Variants in MAPK9 observed in about 807,000 individuals in gnomAD.
MAPK9 encodes the protein mitogen-activated protein kinase 9, also known as Jun kinase.
In MAPK9, 30 loss-of-function variants were observed where a neutral mutation model predicts 57.1. That is an observed-to-expected ratio of 0.53 (90% CI 0.39 to 0.71). The LOEUF (loss-of-function observed/expected upper bound fraction) is 0.71. Ranked by LOEUF, MAPK9 falls within the 30% of genes least tolerant of loss-of-function variation. The probability of loss-of-function intolerance (pLI) is 0.00; values close to 1 mark genes in which losing one functional copy is unlikely to be tolerated. For missense variants in MAPK9, 362 were observed against 521.0 expected (o/e 0.69, Z 2.97); for synonymous variants, 155 against 177.0 (o/e 0.88, Z 0.99).
At chr5:180,240,055 A>G (rs929703460) in intron 9 of MAPK9, 68 bp from the exon 10 acceptor site, 6 of 1,229,102 alleles carry the variant, frequency 4.9e-6, no homozygotes, top group Middle Eastern at 2.2e-4. Flanking sequence ...TAAAAAAGGT[A>G]AAATTGCTTG....
chr5:180,249,280 T>C, intron 5 of MAPK9, 142 bp from the exon 6 acceptor site: 1 of 809,290 alleles, frequency 1.2e-6, no homozygotes, highest in East Asian at 3.0e-5. Context: ...TTGGAAAATC[T>C]TACTCTCAAA....
At chr5:180,242,803 A>C (rs778544269) in intron 7 of MAPK9, 48 bp from the exon 8 acceptor site, 3 of 1,428,312 alleles carry the variant, frequency 2.1e-6, no homozygotes, top group South Asian at 2.4e-5. Context: ...TTGTATTCAC[A>C]GTACATGCGG....
At chr5:180,250,141 C>T (rs1758526462) in intron 5 of MAPK9, among the ~76,000 whole-genome samples, 1 of 152,210 alleles carries the variant, frequency 6.6e-6, no homozygotes, top group Non-Finnish European at 1.5e-5. Flanking sequence ...CTCCCCAGTG[C>T]TGACTCTGTG....
intron 5 of MAPK9, among the ~76,000 whole-genome samples, chr5:180,256,668 A>G (rs1449231424): frequency 1.3e-5 from 2 of 152,040 alleles, no homozygotes; most frequent in Non-Finnish European, 2.9e-5. Flanking sequence ...AGGTTTCTAT[A>G]CCTCGTGCTG....
At chr5:180,238,516 T>A (rs1002073834) in intron 10 of MAPK9, 113 bp from the exon 11 acceptor site, 1 of 760,264 alleles carries the variant, frequency 1.3e-6, no homozygotes, top group African/African-American at 1.7e-5. Flanking sequence ...TTGTTATTTT[T>A]AATTGTAAGA....
chr5:180,286,931 A>G (rs1411629539), intron 1 of MAPK9: 1 of 152,286 alleles, frequency 6.6e-6, no homozygotes, highest in South Asian at 2.1e-4. Context: ...TAACTGCTGT[A>G]TACCCATACC....
Position 180,254,006 on chromosome 5 carries a change from G to A in MAPK9, c.451-4868C>T, listed in dbSNP as rs1581207949. 3.7e-5 allele frequency among the ~76,000 whole-genome samples: 4 copies of A among 107,090 alleles called. No individual in the cohort carries two copies. The South Asian group carries it at 1.2e-3, about 32-fold the overall frequency. 70.3% of individuals were successfully genotyped at this position (107,090 alleles called of 152,430 possible). A position where few individuals can be genotyped will look rare whatever the true frequency, so the allele number is the denominator to read the frequency against. ...TTTGAGACGAAGTCTCGATCTTGTT[G>A]CTCAGGCTGGAGTGCAATGGCACTA... On this transcript the variant is annotated intron_variant, in intron 5 of 11. Transcript: ENST00000452135.
At chr5:180,280,186 A>T in intron 2 of MAPK9, 1 of 529,512 alleles carries the variant, frequency 1.9e-6, no homozygotes, top group South Asian at 2.1e-5. Flanking sequence ...TGAAAAAAAA[A>T]ATGAAAGGAA....
chr5:180,239,113 C>A (rs966174782), intron 10 of MAPK9, among the ~76,000 whole-genome samples: 1 of 152,138 alleles, frequency 6.6e-6, no homozygotes. Flanking sequence ...GGGCTAGGAG[C>A]CCCCCACACT....
chr5:180,286,765 T>C (rs531108803), intron 1 of MAPK9, among the ~76,000 whole-genome samples: 17 of 152,348 alleles, frequency 1.1e-4, no homozygotes, highest in South Asian at 2.1e-4. Context: ...CCAGCCACCA[T>C]TTCTGTGACT....
intron 5 of MAPK9, among the ~76,000 whole-genome samples, chr5:180,252,042 C>T (rs757292934): frequency 1.5e-4 from 23 of 152,164 alleles, no homozygotes; most frequent in Non-Finnish European, 2.5e-4. Flanking sequence ...CACTGAAACC[C>T]GAAGACCCCA....
In MAPK9 at chr5:180,286,434, G is replaced by A. The variant is rs1369685199; in HGVS notation, c.-48+5414C>T. Among the ~76,000 whole-genome samples the A allele has an allele frequency of 6.6e-5, 10 of 151,644 alleles. 1 individual carries two copies. The highest frequency in any genetic ancestry group is 5.9e-4 in the Admixed American group (9 of 15,168). On this transcript the variant is annotated intron_variant, in intron 1 of 11. Transcript: ENST00000452135. ...GCTGGGATTACAGGCGTGAGCCACC[G>A]CGCCTGGCCTCCTACTGTAATTCTT...
At chr5:180,267,925 C>G (rs1464040194) in intron 3 of MAPK9, among the ~76,000 whole-genome samples, 1 of 152,086 alleles carries the variant, frequency 6.6e-6, no homozygotes, top group Admixed American at 6.5e-5. Context: ...TGCAGTGGTG[C>G]TATCTCAGCT....
chr5:180,283,741 G>C (rs995400342), intron 1 of MAPK9, among the ~76,000 whole-genome samples: 6 of 152,158 alleles, frequency 3.9e-5, no homozygotes, highest in Admixed American at 1.3e-4. Context: ...TTTGAGAACA[G>C]CCTGGCCAAC....
In MAPK9 at chr5:180,234,658, A is replaced by G. The variant is rs757703497; in HGVS notation, c.*1726T>C. Reference sequence around the variant, plus strand: ...GTATTACAGAGAAGGCCATTTTAAGATGTTTAGATAGATAGCCATAAAATA... The same window carrying G: ...GTATTACAGAGAAGGCCATTTTAAGGTGTTTAGATAGATAGCCATAAAATA... On this transcript the variant is annotated 3_prime_UTR_variant, in exon 12 of 12. Transcript: ENST00000452135. The G allele has an allele frequency of 2.6e-5, 4 of 152,192 alleles. No individual in the cohort carries two copies. Among genetic ancestry groups the G allele is most frequent in the Non-Finnish European group, 5.9e-5 (4 of 68,022 alleles). The allele number at this position is 152,192 out of a possible 1,614,324, so 9.4% of individuals were successfully genotyped here.
At chr5:180,240,127 A>T (rs1757527004) in intron 9 of MAPK9, 140 bp from the exon 10 acceptor site, 6 of 641,970 alleles carry the variant, frequency 9.3e-6, no homozygotes, top group Non-Finnish European at 1.6e-5. Context: ...TTTAATAAAG[A>T]TTTGTCATGT....
At chr5:180,277,788 GC>G (rs2127618097) in intron 2 of MAPK9, among the ~76,000 whole-genome samples, 1 of 152,244 alleles carries the variant, frequency 6.6e-6, no homozygotes, top group Admixed American at 6.5e-5. Flanking sequence ...GGAAAAGCAA[GC>G]TTTTTTTTCT....
chr5:180,280,369 C>T (rs1762216496), intron 2 of MAPK9, 71 bp downstream of exon 2: 2 of 1,555,978 alleles, frequency 1.3e-6, no homozygotes, highest in East Asian at 2.3e-5. Flanking sequence ...GTTTCTAAAT[C>T]CTGACACTTT....
At chr5:180,281,933 G>A (rs537204257) in intron 1 of MAPK9, among the ~76,000 whole-genome samples, 2 of 152,244 alleles carry the variant, frequency 1.3e-5, no homozygotes, top group South Asian at 2.1e-4. Context: ...CATACAACCC[G>A]CACCGCAGGA....
Sources: gnomAD v4.1 joint callset for allele counts (sites outside exome capture counted in the v4.1 genomes callset) on GRCh38, gnomAD v4.1.1 for gene constraint, MANE v1.5 for transcripts, NCBI Gene and HGNC (gene_info 2026-07-23, HGNC 2026-07-21) for gene names.